KBTBD12: variants seen among roughly 807,000 people sequenced by gnomAD.
KBTBD12 encodes the protein kelch repeat and BTB domain containing 12.
KBTBD12 carries 53 observed loss-of-function variants against 58.7 expected under a neutral mutation model. The observed-to-expected ratio is 0.90, with a 90% CI of 0.72 to 1.14. The LOEUF (loss-of-function observed/expected upper bound fraction) is 1.14, where lower values mean the gene tolerates loss of function less well. KBTBD12 is among the 50% of genes most tolerant of loss of function. The pLI, the probability that KBTBD12 is intolerant of heterozygous loss-of-function variation, is 0.00. For missense variants in KBTBD12, 704 were observed against 751.3 expected, an observed-to-expected ratio of 0.94 and a Z score of 0.74; for synonymous variants, 236 against 259.8, an observed-to-expected ratio of 0.91 and a Z score of 0.88.
chr3:127,941,901 A>G (rs182284770), intron 4 of KBTBD12, among the ~76,000 whole-genome samples: 2 of 152,270 alleles, frequency 1.3e-5, no homozygotes, highest in East Asian at 3.9e-4. Context: ...TGCCCGGCCA[A>G]TATCATTCTT....
intron 4 of KBTBD12, among the ~76,000 whole-genome samples, chr3:127,948,150 A>G (rs908131061): frequency 2.6e-5 from 4 of 152,238 alleles, no homozygotes; most frequent in African/African-American, 9.6e-5. Flanking sequence ...ATTCAAACTG[A>G]TGGTTACTAA....
chr3:127,961,335 C>A (rs772248815), intron 4 of KBTBD12, among the ~76,000 whole-genome samples: 1 of 152,166 alleles, frequency 6.6e-6, no homozygotes, highest in African/African-American at 2.4e-5. Flanking sequence ...GCCAGTGTGT[C>A]CCCTCCTTGG....
chr3:127,962,798 A>G lies in KBTBD12; in HGVS notation c.1493-391A>G, dbSNP rs185630051. Among the ~76,000 whole-genome samples the G allele has an allele frequency of 1.4e-4, 21 of 152,328 alleles. 1 individual carries two copies. The East Asian group carries it at 4.1e-3, about 29-fold the overall frequency. On this transcript the variant is annotated intron_variant, in intron 4 of 5. Coordinates refer to ENST00000405109, the MANE Select transcript of KBTBD12 (RefSeq NM_207335.4). ...GGGAAGAACACATTCCTAGCTAGCC[A>G]CATCAGCAAAAGCATTGCTAACCAT...
chr3:127,915,839 T>G (rs1325921386), intron 1 of KBTBD12, among the ~76,000 whole-genome samples: 1 of 152,216 alleles, frequency 6.6e-6, no homozygotes, highest in Non-Finnish European at 1.5e-5. Context: ...CTGCATAGTA[T>G]TATCATCCTC....
chr3:127,940,439 A>G (rs1359268452), intron 4 of KBTBD12, among the ~76,000 whole-genome samples: 1 of 152,194 alleles, frequency 6.6e-6, no homozygotes, highest in Non-Finnish European at 1.5e-5. Context: ...GTCTTCAAAT[A>G]CTTGAAAATT....
intron 4 of KBTBD12, among the ~76,000 whole-genome samples, chr3:127,947,532 C>G (rs188333384): frequency 6.6e-6 from 1 of 152,208 alleles, no homozygotes; most frequent in Non-Finnish European, 1.5e-5. Context: ...GAGATGGAGA[C>G]CACATGTGTG....
chr3:127,935,049 CTTAA>C (rs1260091084), intron 4 of KBTBD12, among the ~76,000 whole-genome samples: 8 of 152,184 alleles, frequency 5.3e-5, no homozygotes, highest in African/African-American at 1.9e-4. Context: ...TTTTTCTTCT[CTTAA>C]TTTATTTAAA....
At position 127,951,929 on chromosome 3, in the gene KBTBD12, A is replaced by T. The variant is rs564779469; in HGVS notation, c.1493-11260A>T. 2.6e-4 allele frequency among the ~76,000 whole-genome samples: 39 copies of T among 151,608 alleles called. No homozygotes were observed. In the East Asian group the frequency reaches 5.6e-3, roughly 22 times the overall value. On this transcript the variant is annotated intron_variant, in intron 4 of 5. Coordinates refer to ENST00000405109, the MANE Select transcript of KBTBD12 (RefSeq NM_207335.4). ...GTAGATAAGCTACCTTGACTGTTTG[A>T]GTTCTCAGTAGTATAAACACTGTCT... is the stretch of plus-strand genomic sequence containing the variant.
At chr3:127,929,507 G>T (rs9845449) in intron 3 of KBTBD12, among the ~76,000 whole-genome samples, 2 of 151,870 alleles carry the variant, frequency 1.3e-5, no homozygotes. Flanking sequence ...TGTAAGAAAA[G>T]GTTGTTTAAT....
chr3:127,936,201 A>C (rs1319295690), intron 4 of KBTBD12, among the ~76,000 whole-genome samples: 2 of 152,080 alleles, frequency 1.3e-5, no homozygotes, highest in East Asian at 3.9e-4. Flanking sequence ...CCCTGTCTCT[A>C]CTAAAAATAC....
intron 4 of KBTBD12, among the ~76,000 whole-genome samples, chr3:127,953,145 A>C (rs1442169143): frequency 6.6e-6 from 1 of 152,224 alleles, no homozygotes; most frequent in Non-Finnish European, 1.5e-5. Flanking sequence ...GCATATGAGA[A>C]GTGCTCAATA....
In KBTBD12 at chr3:127,924,149, A is replaced by G; in HGVS notation, c.1070+18A>G. The G allele has an allele frequency of 1.3e-6, 2 of 1,508,848 alleles. No individual in the cohort carries two copies. Among genetic ancestry groups the G allele is most frequent in the East Asian group, 2.3e-5 (1 of 44,070 alleles). The allele number at this position is 1,508,848 out of a possible 1,614,324, so 93.5% of individuals were successfully genotyped here. ...ATTTATAGGTTTGTATCTAGCAGCA[A>G]ATTTGCTTAATTATTTTGTTTTGAT... On this transcript the variant is annotated intron_variant, in intron 2 of 5. Coordinates refer to ENST00000405109, the MANE Select transcript of KBTBD12 (RefSeq NM_207335.4).
intron 4 of KBTBD12, among the ~76,000 whole-genome samples, chr3:127,945,224 G>A (rs1209683861): frequency 1.8e-4 from 20 of 110,234 alleles, no homozygotes; most frequent in Non-Finnish European, 2.7e-4. Context: ...TCGCTCTGTC[G>A]CCCAGGCTGG....
At position 127,963,302 on chromosome 3, in the gene KBTBD12, C is replaced by T; in HGVS notation, c.1606C>T (p.Pro536Ser). 6 of 1,611,652 alleles carry T rather than the reference C, an allele frequency of 3.7e-6. No homozygotes were observed. In the South Asian group the frequency reaches 5.5e-5, roughly 15 times the overall value. The stretch of plus-strand genomic sequence containing the variant: ...GCGAGAGGGCCCTCCCATGCCAAGT[C>T]CCCTCCTCTCACTCCGCACCAATTC... ...FWREGPPMPS[P>S]LLSLRTNSTN... Residue 536 changes from proline to serine, a missense_variant, in exon 5 of 6, where the codon CCC (proline) becomes TCC (serine). By Grantham distance (74) the Pro-to-Ser change is moderately conservative. Coordinates refer to ENST00000405109, the MANE Select transcript of KBTBD12 (RefSeq NM_207335.4).
chr3:127,973,955 G>A (rs571519253), intron 5 of KBTBD12, among the ~76,000 whole-genome samples: 48 of 152,190 alleles, frequency 3.2e-4, no homozygotes, highest in African/African-American at 1.1e-3. Flanking sequence ...TGGAGAAATT[G>A]TACTAAACTT....
intron 4 of KBTBD12, among the ~76,000 whole-genome samples, chr3:127,936,211 C>T (rs918355117): frequency 6.6e-6 from 1 of 151,952 alleles, no homozygotes; most frequent in Non-Finnish European, 1.5e-5. Context: ...ACTAAAAATA[C>T]AAAAGTTAGC....
chr3:127,954,123 A>G (rs1403073544), intron 4 of KBTBD12, among the ~76,000 whole-genome samples: 1 of 152,226 alleles, frequency 6.6e-6, no homozygotes, highest in African/African-American at 2.4e-5. Flanking sequence ...AGTTCTAAGG[A>G]AAAATCTTTT....
Position 127,985,052 on chromosome 3 carries a change from C to G in KBTBD12, c.*774C>G, listed in dbSNP as rs1940941534. ...TGCCCTGGGCTGACTCTGTCCGGGACAGGGATGTGGGGTTCTGCAGCCTGG... is the reference window on the plus strand; with the variant it reads ...TGCCCTGGGCTGACTCTGTCCGGGAGAGGGATGTGGGGTTCTGCAGCCTGG... On this transcript the variant is annotated 3_prime_UTR_variant, in exon 6 of 6. Transcript: ENST00000405109. 1 of 152,368 alleles carries G rather than the reference C, an allele frequency of 6.6e-6. No individual in the cohort carries two copies. The highest frequency in any genetic ancestry group is 2.1e-4 in the South Asian group (1 of 4,830). 9.4% of individuals were successfully genotyped at this position (152,368 alleles called of 1,614,324 possible). A position where few individuals can be genotyped will look rare whatever the true frequency, so the allele number is the denominator to read the frequency against.
Position 127,949,195 on chromosome 3 carries a change from G to A in KBTBD12, c.1493-13994G>A, listed in dbSNP as rs1044696802. Among the ~76,000 whole-genome samples the A allele has an allele frequency of 8.0e-4, 122 of 152,180 alleles. 5 individuals are homozygous for A. Among genetic ancestry groups the A allele is most frequent in the Admixed American group, 8.0e-3 (122 of 15,274 alleles). Reference sequence around the variant, plus strand: ...GATGTCACAGAGAGATTGACTCTGAGCTTACTTCAAGAAGTTGGGGTTTGC... The same window carrying A: ...GATGTCACAGAGAGATTGACTCTGAACTTACTTCAAGAAGTTGGGGTTTGC... On this transcript the variant is annotated intron_variant, in intron 4 of 5. Coordinates refer to ENST00000405109, the MANE Select transcript of KBTBD12 (RefSeq NM_207335.4).
Sources: allele counts gnomAD v4.1 joint callset (sites outside exome capture counted in the v4.1 genomes callset), GRCh38; gene constraint gnomAD v4.1.1; transcripts MANE v1.5; gene names NCBI Gene and HGNC (gene_info 2026-07-23, HGNC 2026-07-21).